Variants in REDIC1 observed in about 807,000 individuals in gnomAD.
REDIC1 encodes the protein regulator of DNA class I crossover intermediates 1, also known as HEI10 Interacting Protein 1.
At chr12:39,720,876 T>C in the REDIC1 span, 9 of 1,613,088 alleles carry the variant, frequency 5.6e-6, no homozygotes, top group African/African-American at 9.3e-5. Context: ...ATAATTTTTA[T>C]GTAGAAAGGA....
the REDIC1 span, among the ~76,000 whole-genome samples, chr12:39,731,407 C>T: frequency 4.6e-5 from 7 of 152,156 alleles, no homozygotes; most frequent in Admixed American, 1.3e-4. Context: ...TAACAGGCCC[C>T]TCTGCTGCAG....
chr12:39,675,786 G>C, the REDIC1 span, among the ~76,000 whole-genome samples: 4 of 152,264 alleles, frequency 2.6e-5, no homozygotes, highest in East Asian at 3.9e-4. Context: ...CACATCACAG[G>C]ACTCTTTGTA....
the REDIC1 span, among the ~76,000 whole-genome samples, chr12:39,863,900 A>T: frequency 6.6e-6 from 1 of 152,208 alleles, no homozygotes; most frequent in African/African-American, 2.4e-5. Flanking sequence ...AATTTCATAT[A>T]GGGTTGTATG....
chr12:39,771,053 G>C, the REDIC1 span, among the ~76,000 whole-genome samples: 1 of 152,146 alleles, frequency 6.6e-6, no homozygotes, highest in Non-Finnish European at 1.5e-5. Context: ...AATTTCACAT[G>C]ATATAGGCAA....
the REDIC1 span, among the ~76,000 whole-genome samples, chr12:39,892,663 T>C: frequency 6.6e-6 from 1 of 152,146 alleles, no homozygotes; most frequent in South Asian, 2.1e-4. Flanking sequence ...TAGCAATTAA[T>C]AAATATAAAT....
the REDIC1 span, among the ~76,000 whole-genome samples, chr12:39,772,324 T>G: frequency 8.0e-4 from 122 of 152,276 alleles, no homozygotes; most frequent in Non-Finnish European, 1.4e-3. Flanking sequence ...CATATAGGGT[T>G]GTTACAAAGA....
At chr12:39,685,132 A>G in the REDIC1 span, among the ~76,000 whole-genome samples, 2 of 152,326 alleles carry the variant, frequency 1.3e-5, no homozygotes, top group African/African-American at 4.8e-5. Flanking sequence ...GACTGTTAAC[A>G]TGTTTTATTT....
At chr12:39,872,848 T>C in the REDIC1 span, among the ~76,000 whole-genome samples, 4 of 152,226 alleles carry the variant, frequency 2.6e-5, no homozygotes, top group Non-Finnish European at 4.4e-5. Flanking sequence ...TTCTGAACCA[T>C]GGCTTTGCCC....
the REDIC1 span, among the ~76,000 whole-genome samples, chr12:39,813,854 G>T: frequency 6.6e-6 from 1 of 152,138 alleles, no homozygotes; most frequent in African/African-American, 2.4e-5. Flanking sequence ...CCCTACACAG[G>T]CATTTTAAAA....
the REDIC1 span, among the ~76,000 whole-genome samples, chr12:39,708,109 G>A: frequency 1.3e-5 from 2 of 151,484 alleles, no homozygotes; most frequent in African/African-American, 4.8e-5. Context: ...AGCACAACAG[G>A]GTAGCTATAG....
At chr12:39,904,376 A>G in the REDIC1 span, among the ~76,000 whole-genome samples, 1 of 152,164 alleles carries the variant, frequency 6.6e-6, no homozygotes, top group Non-Finnish European at 1.5e-5. Context: ...ATATCAGTGT[A>G]GGAAACTGTT....
At chr12:39,631,756 G>C in the REDIC1 span, among the ~76,000 whole-genome samples, 1 of 152,268 alleles carries the variant, frequency 6.6e-6, no homozygotes, top group East Asian at 1.9e-4. Context: ...GAATTATGCA[G>C]AGTGTTGATT....
At chr12:39,791,028 G>A in the REDIC1 span, among the ~76,000 whole-genome samples, 7 of 114,264 alleles carry the variant, frequency 6.1e-5, no homozygotes, top group East Asian at 5.7e-4. Flanking sequence ...CTTTTGAGAA[G>A]TGTCTGTTCA....
At chr12:39,713,012 CATGTGTATATACGTGTATA>C in the REDIC1 span, among the ~76,000 whole-genome samples, 17 of 133,684 alleles carry the variant, frequency 1.3e-4, 1 homozygote, top group Admixed American at 5.2e-4. Context: ...TGTATATATA[CATGTGTATATACGTGTATA>C]TGTATATATA....
the REDIC1 span, among the ~76,000 whole-genome samples, chr12:39,800,210 G>C: frequency 6.6e-6 from 1 of 152,132 alleles, no homozygotes; most frequent in Non-Finnish European, 1.5e-5. Context: ...GACGTGCTTT[G>C]AATGAAAACA....
the REDIC1 span, among the ~76,000 whole-genome samples, chr12:39,760,413 C>A: frequency 6.6e-6 from 1 of 151,730 alleles, no homozygotes; most frequent in Non-Finnish European, 1.5e-5. Context: ...TCCAATTGTT[C>A]CAACTCTGAG....
chr12:39,810,635 C>A, the REDIC1 span, among the ~76,000 whole-genome samples: 2 of 151,996 alleles, frequency 1.3e-5, no homozygotes, highest in African/African-American at 4.8e-5. Flanking sequence ...TGTATCAGGT[C>A]GAGGAAGTTT....
At chr12:39,874,509 G>A in the REDIC1 span, among the ~76,000 whole-genome samples, 1 of 151,514 alleles carries the variant, frequency 6.6e-6, no homozygotes, top group Non-Finnish European at 1.5e-5. Flanking sequence ...TAGCTACTCA[G>A]GAGGCTAAGG....
the REDIC1 span, among the ~76,000 whole-genome samples, chr12:39,707,608 A>G: frequency 6.6e-6 from 1 of 152,052 alleles, no homozygotes; most frequent in African/African-American, 2.4e-5. Context: ...GAAGCAACCT[A>G]AGTGTCCATC....
Sources: gnomAD v4.1 joint callset for allele counts (sites outside exome capture counted in the v4.1 genomes callset) on GRCh38, gnomAD v4.1.1 for gene constraint, MANE v1.5 for transcripts, NCBI Gene and HGNC (gene_info 2026-07-23, HGNC 2026-07-21) for gene names.